The following TUBGCP5 variants were observed in gnomAD, a reference collection of about 807,000 sequenced individuals.
TUBGCP5 encodes the protein gamma-tubulin complex component 5.
A neutral mutation model predicts 134.7 loss-of-function variants in TUBGCP5; 98 were observed. The observed-to-expected ratio is 0.73, with a 90% CI of 0.62 to 0.86. The LOEUF (loss-of-function observed/expected upper bound fraction) is 0.86, where lower values mean the gene tolerates loss of function less well. TUBGCP5 is among the 40% of genes least tolerant of loss of function. The pLI, the probability that TUBGCP5 is intolerant of heterozygous loss-of-function variation, is 0.00. For synonymous variants in TUBGCP5, 456 were observed against 431.4 expected (o/e 1.06, Z -0.71); for missense variants, 1,150 against 1,244.8 (o/e 0.92, Z 1.15).
At chr15:22,988,684 C>G (rs372188799) in intron 23 of TUBGCP5, among the ~76,000 whole-genome samples, 1 of 148,078 alleles carries the variant, frequency 6.8e-6, no homozygotes, top group Non-Finnish European at 1.5e-5. Context: ...TGCAGTGAGC[C>G]GAGATCGCGT....
intron 3 of TUBGCP5, among the ~76,000 whole-genome samples, chr15:23,036,636 T>C (rs1010876404): frequency 6.6e-6 from 1 of 152,182 alleles, no homozygotes; most frequent in Non-Finnish European, 1.5e-5. Context: ...ACCCAAACAA[T>C]GCTACTATTT....
Position 23,011,933 on chromosome 15 carries a change from T to C in TUBGCP5, c.1757-602A>G, listed in dbSNP as rs886470022. ...GAGTTTGAGACCAGCCTGGGCAACA[T>C]GGTGAAACCTCAGCTCTACAAAAAA... On this transcript the variant is annotated intron_variant, in intron 13 of 22. Transcript: ENST00000615383. Among the ~76,000 whole-genome samples, 22 of 151,160 alleles carry C rather than the reference T, an allele frequency of 1.5e-4. No homozygotes were observed. In the South Asian group the frequency reaches 1.5e-3, roughly 10 times the overall value.
At chr15:23,024,898 G>A in intron 8 of TUBGCP5, 68 bp from the exon 9 acceptor site, 4 of 982,862 alleles carry the variant, frequency 4.1e-6, no homozygotes, top group South Asian at 1.4e-5. Flanking sequence ...AGTATGCCCA[G>A]GACATTTTTT....
rs758752632 is a variant in TUBGCP5 at position 23,037,103 on chromosome 15, C to A, written c.196G>T (p.Glu66Ter). Residue 66 changes from glutamate (E) to a stop codon, truncating the protein, a stop_gained, in exon 2 of 23, where the codon GAA becomes TAA. Coordinates refer to ENST00000615383, the MANE Select transcript of TUBGCP5 (RefSeq NM_052903.6). LOFTEE classifies it high-confidence loss of function. Reference protein sequence around the residue: ...VNSHKIEKTIEGIYEKFVIHS... With the variant: ...VNSHKIEKTI ...TATATATACACACTGACTTACCCTT[C>A]GATTGTTTTTTCTATTTTGTGGCTG... 6.2e-7 allele frequency: 1 copy of A among 1,613,732 alleles called. No homozygotes were observed. Among genetic ancestry groups the A allele is most frequent in the Non-Finnish European group, 8.5e-7 (1 of 1,179,910 alleles).
intron 3 of TUBGCP5, 85 bp from the exon 4 acceptor site, chr15:23,032,909 T>A: frequency 1.0e-6 from 1 of 963,266 alleles, no homozygotes; most frequent in Non-Finnish European, 1.5e-6. Flanking sequence ...TCCATGACAG[T>A]TATGTCCCCA....
chr15:23,005,351 A>G (rs1291281481), intron 19 of TUBGCP5, 81 bp downstream of exon 19: 1 of 1,483,854 alleles, frequency 6.7e-7, no homozygotes, highest in East Asian at 2.3e-5. Flanking sequence ...TTTTTTACTT[A>G]TAAACATAGT....
Position 23,001,886 on chromosome 15 carries a change from A to C in TUBGCP5, c.2927+1179T>G, listed in dbSNP as rs184394608. Among the ~76,000 whole-genome samples, 3 of 152,180 alleles carry C rather than the reference A, an allele frequency of 2.0e-5. 1 individual carries two copies. Among genetic ancestry groups the C allele is most frequent in the East Asian group, 1.9e-4 (1 of 5,180 alleles). ...AGACTCCTTTCAAAACACAGCCACA[A>C]CACCATTTGCTCAAAAATATCATCT... On this transcript the variant is annotated intron_variant, in intron 21 of 22. Transcript: ENST00000615383.
chr15:22,993,525 G>GTTGTTTTTTTTTTTTTTTT (rs1567083011), intron 23 of TUBGCP5, among the ~76,000 whole-genome samples: 1 of 69,288 alleles, frequency 1.4e-5, no homozygotes, highest in African/African-American at 6.0e-5. Flanking sequence ...AGCCCCCGAA[G>GTTGTTTTTTTTTTTTTTTT]TTTTTTTTTT....
At chr15:23,021,836 T>TA in intron 11 of TUBGCP5, 123 bp downstream of exon 11, 3 of 1,079,438 alleles carry the variant, frequency 2.8e-6, no homozygotes, top group Non-Finnish European at 4.0e-6. Flanking sequence ...GAAGTTAATT[T>TA]AAAAACTCTG....
chr15:22,997,066 G>A (rs1032944628), downstream of TUBGCP5: 1 of 152,152 alleles, frequency 6.6e-6, no homozygotes, highest in Non-Finnish European at 1.5e-5. Flanking sequence ...GTTGCCTCTG[G>A]GCATGACATG....
intron 10 of TUBGCP5, 144 bp from the exon 11 acceptor site, chr15:23,022,305 C>G (rs2065751219): frequency 4.0e-6 from 3 of 751,998 alleles, no homozygotes; most frequent in Non-Finnish European, 4.4e-6. Flanking sequence ...CCACAAGGAC[C>G]TAATTTCCCT....
chr15:23,018,054 A>C lies in TUBGCP5; in HGVS notation c.1488-13T>G. 6.3e-7 allele frequency: 1 copy of C among 1,594,362 alleles called. No individual in the cohort carries two copies. The highest frequency in any genetic ancestry group is 8.5e-7 in the Non-Finnish European group (1 of 1,169,644). On this transcript the variant is annotated splice_polypyrimidine_tract_variant and intron_variant, in intron 12 of 22. Transcript: ENST00000615383. ...AACATTTTTGTTTCTAAAGAGATTC[A>C]AAAGAATTTTAAACTCTTATTTCTC...
intron 3 of TUBGCP5, among the ~76,000 whole-genome samples, chr15:23,035,448 G>C (rs931329170): frequency 4.1e-5 from 6 of 147,880 alleles, no homozygotes; most frequent in African/African-American, 1.5e-4. Flanking sequence ...GTTGGGTGGG[G>C]GTTGGTTTCA....
chr15:22,999,740 A>C lies in TUBGCP5; in HGVS notation c.*80T>G. 1 of 1,497,754 alleles carries C rather than the reference A, an allele frequency of 6.7e-7. No individual in the cohort carries two copies. Among genetic ancestry groups the C allele is most frequent in the Non-Finnish European group, 9.3e-7 (1 of 1,077,048 alleles). The allele number at this position is 1,497,754 out of a possible 1,614,324, so 92.8% of individuals were successfully genotyped here. A position where few individuals can be genotyped will look rare whatever the true frequency, so the allele number is the denominator to read the frequency against. ...TTTACAAATAAACCAAAATAAAAAT[A>C]TTTTCACTTTTCAGCTGCACATGGT... On this transcript the variant is annotated 3_prime_UTR_variant, in exon 23 of 23. Transcript: ENST00000615383.
In TUBGCP5 at chr15:22,999,678, G is replaced by A; in HGVS notation, c.*142C>T. The A allele has an allele frequency of 2.3e-6, 2 of 877,770 alleles. No homozygotes were observed. Among genetic ancestry groups the A allele is most frequent in the Non-Finnish European group, 3.6e-6 (2 of 560,294 alleles). The allele number at this position is 877,770 out of a possible 1,614,324, so 54.4% of individuals were successfully genotyped here. On this transcript the variant is annotated 3_prime_UTR_variant, in exon 23 of 23. Coordinates refer to ENST00000615383, the MANE Select transcript of TUBGCP5 (RefSeq NM_052903.6). The stretch of plus-strand genomic sequence containing the variant: ...GGCCTCCCATCGTGCTGGGATTAGA[G>A]GCATGAGCGACTGTGCCAGGCTGAC...
intron 3 of TUBGCP5, among the ~76,000 whole-genome samples, chr15:23,035,017 T>C (rs2066505331): frequency 6.6e-6 from 1 of 151,916 alleles, no homozygotes; most frequent in African/African-American, 2.4e-5. Flanking sequence ...TCACTACTGA[T>C]CCCACAGACA....
At chr15:23,016,447 T>C (rs1360831458) in intron 13 of TUBGCP5, among the ~76,000 whole-genome samples, 4 of 150,406 alleles carry the variant, frequency 2.7e-5, no homozygotes, top group Non-Finnish European at 4.4e-5. Flanking sequence ...TGAGCCCAGA[T>C]TGCACCACTG....
At chr15:23,003,307 C>T (rs2064498567) in intron 20 of TUBGCP5, among the ~76,000 whole-genome samples, 154 bp from the exon 21 acceptor site, 2 of 152,172 alleles carry the variant, frequency 1.3e-5, no homozygotes, top group South Asian at 4.1e-4. Flanking sequence ...TGAACCATGC[C>T]CATTTGGGAC....
At chr15:22,998,094 C>T (rs992798164), downstream of TUBGCP5, among the ~76,000 whole-genome samples, 3 of 152,054 alleles carry the variant, frequency 2.0e-5, no homozygotes, top group African/African-American at 7.2e-5. Context: ...GCGGGTGGAT[C>T]ACCTGAGGCC....
Sources: allele counts gnomAD v4.1 joint callset (sites outside exome capture counted in the v4.1 genomes callset), GRCh38; gene constraint gnomAD v4.1.1; transcripts MANE v1.5; gene names NCBI Gene and HGNC (gene_info 2026-07-23, HGNC 2026-07-21).